DENND5B: variants seen among roughly 807,000 people sequenced by gnomAD.
DENND5B encodes DENN domain-containing protein 5B.
Under a neutral mutation model 140.6 loss-of-function variants are expected in DENND5B, and 34 were observed. The observed-to-expected ratio is 0.24, with a 90% CI of 0.18 to 0.32. The LOEUF is 0.32. Among genes scored for constraint, DENND5B ranks in the 10% least tolerant of loss-of-function variants. The probability of loss-of-function intolerance (pLI) is 1.00; values close to 1 mark genes in which losing one functional copy is unlikely to be tolerated. For synonymous variants in DENND5B, 551 were observed against 562.1 expected (o/e 0.98, Z 0.28); for missense variants, 1,142 against 1,560.2 (o/e 0.73, Z 4.52).
chr12:31,575,448 T>A (rs949450623), intron 1 of DENND5B, among the ~76,000 whole-genome samples: 3 of 152,198 alleles, frequency 2.0e-5, no homozygotes, highest in Non-Finnish European at 4.4e-5. Flanking sequence ...GCAAGTCACA[T>A]CTCTGCCCAA....
At chr12:31,557,814 CAAAAAAAA>C (rs71445804) in intron 1 of DENND5B, among the ~76,000 whole-genome samples, 7 of 80,972 alleles carry the variant, frequency 8.6e-5, no homozygotes, top group Middle Eastern at 5.7e-3. Flanking sequence ...GCTGTGGTGG[CAAAAAAAA>C]AAAAAAAAAA....
chr12:31,532,561 G>T (rs911243117), intron 1 of DENND5B, among the ~76,000 whole-genome samples: 2 of 152,186 alleles, frequency 1.3e-5, no homozygotes, highest in Non-Finnish European at 2.9e-5. Flanking sequence ...AGACCTGTGA[G>T]AAAATTAGTG....
intron 1 of DENND5B, among the ~76,000 whole-genome samples, chr12:31,527,866 T>C (rs182851538): frequency 6.6e-6 from 1 of 152,292 alleles, no homozygotes; most frequent in African/African-American, 2.4e-5. Flanking sequence ...AAATGTTTAA[T>C]GTGAATCTAA....
chr12:31,438,865 TATATA>T (rs1209509071), intron 7 of DENND5B, among the ~76,000 whole-genome samples: 1 of 152,132 alleles, frequency 6.6e-6, no homozygotes, highest in African/African-American at 2.4e-5. Flanking sequence ...CTAACGGACT[TATATA>T]ATAAACGAAA....
chr12:31,508,697 T>C (rs1947298798), intron 1 of DENND5B, among the ~76,000 whole-genome samples: 1 of 152,228 alleles, frequency 6.6e-6, no homozygotes, highest in Non-Finnish European at 1.5e-5. Context: ...TGAGTCTCTC[T>C]GCGTTAGTGT....
rs538233924 is a variant in DENND5B, at chr12:31,551,603, A to G, written c.127+39103T>C. On this transcript the variant is annotated intron_variant, in intron 1 of 20. Transcript: ENST00000389082. ...TAGTTTTTTCCAATTCTGTGAAGAAAGTCATTGGTTGCTTGATGGGGATGG... is the reference window on the plus strand; with the variant it reads ...TAGTTTTTTCCAATTCTGTGAAGAAGGTCATTGGTTGCTTGATGGGGATGG... 2.0e-5 allele frequency among the ~76,000 whole-genome samples: 3 copies of G among 152,306 alleles called. No individual in the cohort carries two copies. In the South Asian group the frequency reaches 6.2e-4, roughly 32 times the overall value.
chr12:31,422,666 T>C (rs1384996389), intron 11 of DENND5B, among the ~76,000 whole-genome samples: 1 of 152,196 alleles, frequency 6.6e-6, no homozygotes, highest in Non-Finnish European at 1.5e-5. Flanking sequence ...GCTGATTCAG[T>C]ATAAAGCAAT....
intron 1 of DENND5B, 90 bp downstream of exon 1, chr12:31,590,616 G>A: frequency 7.4e-7 from 1 of 1,344,760 alleles, no homozygotes; most frequent in Non-Finnish European, 9.5e-7. Flanking sequence ...AGCTGACTTT[G>A]TCTGGAGCCT....
intron 3 of DENND5B, among the ~76,000 whole-genome samples, chr12:31,477,271 A>G (rs938694727): frequency 1.3e-5 from 2 of 152,114 alleles, no homozygotes; most frequent in Non-Finnish European, 2.9e-5. Context: ...CTAAAACACC[A>G]TAAGGTATTA....
chr12:31,491,027 C>T (rs1946506157), intron 2 of DENND5B, among the ~76,000 whole-genome samples: 1 of 152,072 alleles, frequency 6.6e-6, no homozygotes, highest in African/African-American at 2.4e-5. Context: ...TGTTTTCTTC[C>T]TATGAATTCT....
intron 6 of DENND5B, among the ~76,000 whole-genome samples, chr12:31,443,343 G>A (rs142920624): frequency 1.1e-3 from 165 of 152,248 alleles, no homozygotes; most frequent in African/African-American, 3.5e-3. Flanking sequence ...CCAAAGTGCT[G>A]GGATTATAAG....
intron 9 of DENND5B, among the ~76,000 whole-genome samples, chr12:31,425,986 A>G (rs1943213283): frequency 6.6e-6 from 1 of 152,234 alleles, no homozygotes; most frequent in African/African-American, 2.4e-5. Context: ...CCTTTCACAT[A>G]AGATGACAAC....
At chr12:31,511,645 A>C (rs1428842523) in intron 1 of DENND5B, among the ~76,000 whole-genome samples, 1 of 151,960 alleles carries the variant, frequency 6.6e-6, no homozygotes, top group Non-Finnish European at 1.5e-5. Context: ...TAACACTGTT[A>C]AATTATATCT....
chr12:31,452,586 G>A (rs532595250), intron 4 of DENND5B, 110 bp from the exon 5 acceptor site: 112 of 1,187,328 alleles, frequency 9.4e-5, no homozygotes, highest in Non-Finnish European at 1.2e-4. Context: ...CACTTTGGGA[G>A]GCCAAAGCAA....
intron 2 of DENND5B, among the ~76,000 whole-genome samples, chr12:31,481,190 TTAC>T (rs946580094): frequency 5.3e-5 from 8 of 152,230 alleles, no homozygotes; most frequent in African/African-American, 1.7e-4. Flanking sequence ...CCATATATTA[TTAC>T]TATTTTTCTA....
chr12:31,427,904 T>C (rs1943320404), intron 8 of DENND5B, among the ~76,000 whole-genome samples: 2 of 152,238 alleles, frequency 1.3e-5, no homozygotes, highest in Admixed American at 6.5e-5. Flanking sequence ...AGAGAGTTTG[T>C]ACATTTAATA....
chr12:31,406,330 T>C (rs946623435), intron 14 of DENND5B, among the ~76,000 whole-genome samples: 1 of 152,326 alleles, frequency 6.6e-6, no homozygotes, highest in Non-Finnish European at 1.5e-5. Flanking sequence ...AGTGCACTCT[T>C]AGATGAGGAA....
intron 1 of DENND5B, among the ~76,000 whole-genome samples, chr12:31,517,859 C>G (rs1591967701): frequency 1.3e-5 from 2 of 152,172 alleles, no homozygotes; most frequent in Admixed American, 1.3e-4. Context: ...GATCATCAAA[C>G]ACTATGAAGT....
chr12:31,419,404 T>C (rs1942914695), intron 11 of DENND5B, among the ~76,000 whole-genome samples: 1 of 151,724 alleles, frequency 6.6e-6, no homozygotes, highest in East Asian at 1.9e-4. Context: ...AATCATGCCA[T>C]TGCATCCAGT....
Sources: gnomAD v4.1 joint callset for allele counts (sites outside exome capture counted in the v4.1 genomes callset) on GRCh38, gnomAD v4.1.1 for gene constraint, MANE v1.5 for transcripts, NCBI Gene and HGNC (gene_info 2026-07-23, HGNC 2026-07-21) for gene names.